The following PMFBP1 variants were observed in gnomAD, a reference collection of about 807,000 sequenced individuals.
PMFBP1 encodes the protein polyamine-modulated factor 1-binding protein 1.
In PMFBP1, 131 loss-of-function variants were observed where a neutral mutation model predicts 137.8. That is an observed-to-expected ratio of 0.95 (90% CI 0.82 to 1.10). PMFBP1 has a LOEUF of 1.10. PMFBP1 is among the 50% of genes least tolerant of loss of function. PMFBP1 has a pLI of 0.00. For missense variants in PMFBP1, 1,199 were observed against 1,175.4 expected (o/e 1.02, Z -0.29); for synonymous variants, 490 against 450.4 (o/e 1.09, Z -1.11).
At chr16:72,143,958 T>C (rs2042763335) in intron 5 of PMFBP1, among the ~76,000 whole-genome samples, 1 of 152,096 alleles carries the variant, frequency 6.6e-6, no homozygotes, top group South Asian at 2.1e-4. Context: ...GGAGAATCGC[T>C]TGAACCTGGG....
In PMFBP1 at chr16:72,130,263, C is replaced by T. The variant is rs1280098556; in HGVS notation, c.1732G>A (p.Ala578Thr). 2.5e-6 allele frequency: 4 copies of T among 1,614,074 alleles called. No individual in the cohort carries two copies. In the South Asian group the frequency reaches 3.3e-5, roughly 13 times the overall value. Residue 578 changes from alanine (A) to threonine (T), a missense_variant, in exon 12 of 21, where the codon GCT becomes ACT. Coordinates refer to ENST00000237353, the MANE Select transcript of PMFBP1 (RefSeq NM_031293.3). ...TCATTCATTTTCATATCCTGCTCAG[C>T]CACTGTCTTCTGAAGCTGCCTCTTT... ...KEKRQLQKTV[A>T]EQDMKMNDML...
chr16:72,229,322 G>C, the PMFBP1 span, among the ~76,000 whole-genome samples: 4 of 152,150 alleles, frequency 2.6e-5, no homozygotes, highest in African/African-American at 9.7e-5. Context: ...ACATAAGTGT[G>C]CATGTGTCTT....
At chr16:72,246,060 T>C in the PMFBP1 span, among the ~76,000 whole-genome samples, 23 of 152,194 alleles carry the variant, frequency 1.5e-4, 1 homozygote, top group African/African-American at 5.1e-4. Context: ...TAAGAGTGGT[T>C]GCAGAATGGT....
the PMFBP1 span, among the ~76,000 whole-genome samples, chr16:72,213,262 C>T: frequency 5.5e-3 from 837 of 152,238 alleles, 12 homozygotes; most frequent in African/African-American, 0.018. Flanking sequence ...TCTCAGACTC[C>T]CCGTAGTCCT....
chr16:72,120,153 G>A (rs748778084), intron 19 of PMFBP1, 64 bp from the exon 20 acceptor site: 1 of 1,610,150 alleles, frequency 6.2e-7, no homozygotes, highest in South Asian at 1.1e-5. Context: ...TTCCCTGCTA[G>A]AAAGGACAGA....
intron 2 of PMFBP1, among the ~76,000 whole-genome samples, chr16:72,170,374 T>A (rs1201001201): frequency 2.6e-5 from 4 of 152,076 alleles, no homozygotes; most frequent in African/African-American, 9.7e-5. Context: ...CCTTTACTCA[T>A]CAAAAAAGTC....
At chr16:72,213,416 C>T in the PMFBP1 span, among the ~76,000 whole-genome samples, 1 of 152,118 alleles carries the variant, frequency 6.6e-6, no homozygotes, top group South Asian at 2.1e-4. Context: ...CTTGCTTGCT[C>T]TGATGAAGCC....
chr16:72,176,840 C>T (rs1392783620), upstream of PMFBP1: 1 of 152,260 alleles, frequency 6.6e-6, no homozygotes, highest in East Asian at 1.9e-4. Context: ...AGCACCTCCA[C>T]TAGTTGCTTA....
In PMFBP1 at chr16:72,128,063, G is replaced by T. The variant is rs569351762; in HGVS notation, c.2088+594C>A. On this transcript the variant is annotated intron_variant, in intron 14 of 20. Transcript: ENST00000237353. ...CAGGTGTTAGAGCTGGATAATTCAG[G>T]TTCAAATAGTGGTTGATTCCATCAC... 7.9e-5 allele frequency among the ~76,000 whole-genome samples: 12 copies of T among 152,272 alleles called. No individual in the cohort carries two copies. In the South Asian group the frequency reaches 2.5e-3, roughly 32 times the overall value.
the PMFBP1 span, among the ~76,000 whole-genome samples, chr16:72,206,677 A>G: frequency 6.6e-6 from 1 of 152,212 alleles, no homozygotes; most frequent in African/African-American, 2.4e-5. Context: ...ATTCAAATCC[A>G]GGTAGTTTGG....
At chr16:72,152,471 G>C (rs372188343) in intron 4 of PMFBP1, among the ~76,000 whole-genome samples, 1 of 152,120 alleles carries the variant, frequency 6.6e-6, no homozygotes, top group Non-Finnish European at 1.5e-5. Context: ...CTTCCGGAAA[G>C]TGTCCTTAAA....
At chr16:72,128,618 T>C (rs2042498432) in intron 14 of PMFBP1, 39 bp downstream of exon 14, 2 of 1,613,708 alleles carry the variant, frequency 1.2e-6, no homozygotes, top group South Asian at 2.2e-5. Context: ...GGTCACAGGG[T>C]TCAAATTCCT....
chr16:72,137,412 T>C (rs1270796099), intron 7 of PMFBP1, among the ~76,000 whole-genome samples: 3 of 151,424 alleles, frequency 2.0e-5, no homozygotes, highest in Non-Finnish European at 2.9e-5. Context: ...ATAAGTGCTA[T>C]GGGGGAAACA....
At chr16:72,210,317 A>G in the PMFBP1 span, among the ~76,000 whole-genome samples, 2 of 152,214 alleles carry the variant, frequency 1.3e-5, no homozygotes, top group Non-Finnish European at 2.9e-5. Flanking sequence ...ACTTATAGAG[A>G]GCAAAAGCAA....
At chr16:72,211,499 A>G in the PMFBP1 span, among the ~76,000 whole-genome samples, 702 of 152,344 alleles carry the variant, frequency 4.6e-3, 2 homozygotes, top group African/African-American at 0.016. Context: ...ATTTAAATAC[A>G]GTGACAGGCA....
At chr16:72,174,487 G>A (rs2043249435), upstream of PMFBP1, among the ~76,000 whole-genome samples, 1 of 152,142 alleles carries the variant, frequency 6.6e-6, no homozygotes, top group African/African-American at 2.4e-5. Context: ...CATGGTCATG[G>A]GCATCTCTCC....
chr16:72,180,046 T>C (rs1314375232), upstream of PMFBP1, among the ~76,000 whole-genome samples: 1 of 152,210 alleles, frequency 6.6e-6, no homozygotes, highest in African/African-American at 2.4e-5. Context: ...CCTGAAGGCC[T>C]GCAGCTCCAG....
chr16:72,147,322 T>C (rs193241434), intron 5 of PMFBP1, among the ~76,000 whole-genome samples: 2 of 152,368 alleles, frequency 1.3e-5, no homozygotes, highest in African/African-American at 4.8e-5. Context: ...GCTAGCCATA[T>C]GCAGAAAGCT....
the PMFBP1 span, among the ~76,000 whole-genome samples, chr16:72,208,506 T>C: frequency 6.6e-6 from 1 of 152,266 alleles, no homozygotes; most frequent in Non-Finnish European, 1.5e-5. Context: ...TCTAATTATA[T>C]TTTCCCAAAG....
Sources: gnomAD v4.1 joint callset for allele counts (sites outside exome capture counted in the v4.1 genomes callset) on GRCh38, gnomAD v4.1.1 for gene constraint, MANE v1.5 for transcripts, NCBI Gene and HGNC (gene_info 2026-07-23, HGNC 2026-07-21) for gene names.